Variants in ADGRL2 observed in about 807,000 individuals in gnomAD.
The protein encoded by ADGRL2 is calcium-independent alpha-latrotoxin receptor 2.
Under a neutral mutation model 157.4 loss-of-function variants are expected in ADGRL2, and 44 were observed. The observed-to-expected ratio is 0.28, with a 90% CI of 0.22 to 0.36. The LOEUF is 0.36. ADGRL2 is among the 10% of genes least tolerant of loss of function. The pLI is 1.00. For synonymous variants in ADGRL2, 585 were observed against 624.7 expected (o/e 0.94, Z 0.95); for missense variants, 1,510 against 1,768.9 (o/e 0.85, Z 2.63).
chr1:81,788,440 C>T lies in ADGRL2; in HGVS notation c.-101+26588C>T, dbSNP rs185007845. 4.2e-4 allele frequency among the ~76,000 whole-genome samples: 64 copies of T among 152,276 alleles called. 1 individual carries two copies. Among genetic ancestry groups the T allele is most frequent in the Middle Eastern group, 3.4e-3 (1 of 294 alleles). Reference sequence around the variant, plus strand: ...TCTCCATGTGACAAGTCTGCTCCCCCTTTGCCTTCACCATAATTGTAAGCT... The same window carrying T: ...TCTCCATGTGACAAGTCTGCTCCCCTTTTGCCTTCACCATAATTGTAAGCT... On this transcript the variant is annotated intron_variant, in intron 2 of 20. Transcript: ENST00000359929.
chr1:81,401,671 T>C (rs1570858905), intron 1 of ADGRL2, among the ~76,000 whole-genome samples: 1 of 152,170 alleles, frequency 6.6e-6, no homozygotes. Context: ...AGTGCTTGAT[T>C]TCCAAGAAAT....
chr1:81,542,706 T>C (rs1471894604), intron 2 of ADGRL2, among the ~76,000 whole-genome samples: 3 of 152,222 alleles, frequency 2.0e-5, no homozygotes, highest in Non-Finnish European at 4.4e-5. Flanking sequence ...ATTCAATAAG[T>C]AGAATCATGG....
intron 2 of ADGRL2, among the ~76,000 whole-genome samples, chr1:81,874,740 C>G (rs1378128401): frequency 1.3e-5 from 2 of 151,730 alleles, no homozygotes; most frequent in South Asian, 4.2e-4. Context: ...GAGTCTTGCT[C>G]TGTACCCCAG....
intron 3 of ADGRL2, among the ~76,000 whole-genome samples, chr1:81,668,125 T>A (rs1453539797): frequency 1.3e-5 from 2 of 152,150 alleles, no homozygotes; most frequent in Non-Finnish European, 2.9e-5. Context: ...AAGTATTTCA[T>A]ATAAGCAAGT....
chr1:81,814,274 T>G (rs988153621), intron 1 of ADGRL2, among the ~76,000 whole-genome samples: 2 of 151,682 alleles, frequency 1.3e-5, no homozygotes. Context: ...TAGATGTGTA[T>G]ATATTAATTG....
At chr1:81,953,096 C>T in intron 10 of ADGRL2, 71 bp downstream of exon 10, 3 of 1,271,448 alleles carry the variant, frequency 2.4e-6, no homozygotes, top group Non-Finnish European at 3.4e-6. Flanking sequence ...CATCTTGCTG[C>T]ATGATCCAAT....
chr1:81,493,736 G>T (rs1204241263), intron 2 of ADGRL2, among the ~76,000 whole-genome samples: 5 of 152,088 alleles, frequency 3.3e-5, no homozygotes, highest in Non-Finnish European at 7.4e-5. Flanking sequence ...CAGAAAAAAT[G>T]GACAGAAGAA....
intron 1 of ADGRL2, among the ~76,000 whole-genome samples, chr1:81,432,955 G>T (rs1368377480): frequency 6.6e-6 from 1 of 152,160 alleles, no homozygotes; most frequent in Non-Finnish European, 1.5e-5. Flanking sequence ...AGGAAAAAGT[G>T]TCTGTGGAAA....
intron 2 of ADGRL2, among the ~76,000 whole-genome samples, chr1:81,499,356 TG>T (rs1320547828): frequency 6.6e-6 from 1 of 152,238 alleles, no homozygotes; most frequent in Non-Finnish European, 1.5e-5. Flanking sequence ...GATTCACACA[TG>T]TGATCACAGA....
intron 2 of ADGRL2, chr1:81,502,656 G>A (rs548632375): frequency 6.2e-7 from 1 of 1,613,946 alleles, no homozygotes; most frequent in East Asian, 2.2e-5. Flanking sequence ...TTCACCCTCA[G>A]CTCAGGACGC....
chr1:81,727,580 G>A (rs1373475359), intron 1 of ADGRL2, among the ~76,000 whole-genome samples: 3 of 151,796 alleles, frequency 2.0e-5, no homozygotes, highest in Admixed American at 2.0e-4. Context: ...TTACAGGCAC[G>A]CGCCACCATA....
chr1:81,389,306 G>T (rs1214973867), intron 1 of ADGRL2, among the ~76,000 whole-genome samples: 1 of 152,034 alleles, frequency 6.6e-6, no homozygotes, highest in African/African-American at 2.4e-5. Flanking sequence ...TTACATTCCA[G>T]TCAGAGTCAT....
intron 1 of ADGRL2, among the ~76,000 whole-genome samples, chr1:81,341,624 T>A (rs1662080855): frequency 1.3e-5 from 2 of 152,312 alleles, no homozygotes; most frequent in South Asian, 4.1e-4. Context: ...TACTATTTAT[T>A]TCATTCTGAT....
chr1:81,557,525 G>GA (rs1365888044), intron 2 of ADGRL2: 1 of 148,700 alleles, frequency 6.7e-6, no homozygotes, highest in Non-Finnish European at 1.5e-5. Flanking sequence ...AAGAAAGAAA[G>GA]AGAAGAAAGA....
At chr1:81,353,619 G>A (rs939087922) in intron 1 of ADGRL2, among the ~76,000 whole-genome samples, 3 of 152,250 alleles carry the variant, frequency 2.0e-5, no homozygotes, top group South Asian at 4.1e-4. Context: ...TGATTGATTG[G>A]ATGTAGAAAG....
chr1:81,664,167 A>C (rs1045895158), intron 3 of ADGRL2, among the ~76,000 whole-genome samples: 1 of 152,204 alleles, frequency 6.6e-6, no homozygotes, highest in Non-Finnish European at 1.5e-5. Flanking sequence ...CGTGCCCAAC[A>C]CAAAGCTTTA....
At chr1:81,691,880 G>GTATATATATACATATATA (rs1298558321) in intron 3 of ADGRL2, among the ~76,000 whole-genome samples, 12 of 119,880 alleles carry the variant, frequency 1.0e-4, no homozygotes, top group Admixed American at 7.6e-4. Flanking sequence ...GTGTGTGTGT[G>GTATATATATACATATATA]TATATATATA....
At chr1:81,474,743 A>C (rs1271064873) in intron 2 of ADGRL2, among the ~76,000 whole-genome samples, 1 of 152,200 alleles carries the variant, frequency 6.6e-6, no homozygotes, top group African/African-American at 2.4e-5. Context: ...AGTGCTTTAG[A>C]GTTATTGAAC....
At chr1:81,879,077 C>G (rs1183303633) in intron 2 of ADGRL2, among the ~76,000 whole-genome samples, 1 of 152,120 alleles carries the variant, frequency 6.6e-6, no homozygotes, top group Non-Finnish European at 1.5e-5. Flanking sequence ...TCCTTTACCC[C>G]TTCAATGAAT....
Sources: allele counts gnomAD v4.1 joint callset (sites outside exome capture counted in the v4.1 genomes callset), GRCh38; gene constraint gnomAD v4.1.1; transcripts MANE v1.5; gene names NCBI Gene and HGNC (gene_info 2026-07-23, HGNC 2026-07-21).